Variants in CD58 observed in about 807,000 individuals in gnomAD.
CD58 encodes the protein CD58 molecule.
In CD58, 14 loss-of-function variants were observed where a neutral mutation model predicts 27.6. That is an observed-to-expected ratio of 0.51 (90% CI 0.34 to 0.79). The LOEUF (loss-of-function observed/expected upper bound fraction) is 0.79. Among genes scored for constraint, CD58 ranks in the 30% least tolerant of loss-of-function variants. CD58 has a pLI of 0.02. For synonymous variants in CD58, 117 were observed against 103.8 expected (o/e 1.13, Z -0.77); for missense variants, 268 against 301.7 (o/e 0.89, Z 0.83).
chr1:116,544,277 C>A (rs372354308), intron 2 of CD58, 34 bp downstream of exon 2: 41 of 1,481,882 alleles, frequency 2.8e-5, no homozygotes, highest in Non-Finnish European at 3.8e-5. Context: ...TGGAAATTTG[C>A]CATTTTAAAC....
intron 3 of CD58, among the ~76,000 whole-genome samples, chr1:116,525,559 G>A (rs1401058517): frequency 6.6e-6 from 1 of 152,298 alleles, no homozygotes; most frequent in Admixed American, 6.5e-5. Context: ...CAAGAAGCAT[G>A]ACAGTTGTGT....
chr1:116,556,156 G>T (rs1474533258), intron 1 of CD58, among the ~76,000 whole-genome samples: 1 of 151,206 alleles, frequency 6.6e-6, no homozygotes, highest in East Asian at 1.9e-4. Flanking sequence ...ATGGGAGGCT[G>T]AGGCAGGAGA....
Position 116,534,236 on chromosome 1 carries a change from C to T in CD58, c.628+1729G>A, listed in dbSNP as rs1657714354. 4 of 515,146 alleles carry T rather than the reference C, an allele frequency of 7.8e-6. No individual in the cohort carries two copies. The highest frequency in any genetic ancestry group is 3.1e-5 in the Admixed American group (1 of 31,924). The allele number at this position is 515,146 out of a possible 1,614,324, so 31.9% of individuals were successfully genotyped here. A position where few individuals can be genotyped will look rare whatever the true frequency, so the allele number is the denominator to read the frequency against. The stretch of plus-strand genomic sequence containing the variant: ...AACAGCTGAGATGCAATGCCAAGGA[C>T]TTTCTTCCCCATCAGACATGCCCTC... On this transcript the variant is annotated intron_variant, in intron 3 of 5. Transcript: ENST00000369489. This position sits in a 1 kb window ranked among gnomAD's most constrained non-coding sequence, Gnocchi z 5.3.
rs1657139107 is a variant in CD58, at chr1:116,517,963, A to T, written c.743+1268T>A. Among the ~76,000 whole-genome samples the T allele has an allele frequency of 6.6e-6, 1 of 152,236 alleles. No individual in the cohort carries two copies. Among genetic ancestry groups the T allele is most frequent in the Non-Finnish European group, 1.5e-5 (1 of 68,040 alleles). On this transcript the variant is annotated intron_variant, in intron 5 of 5. Transcript: ENST00000369489. The surrounding 1 kb of genome is among the most constrained non-coding windows in gnomAD (Gnocchi z 6.5). ...CTGTCGCTTTTATTTTTCTTGAAAA[A>T]TAATAGTAACAATAGTCATAATGGC...
Position 116,522,138 on chromosome 1 carries a change from C to T in CD58, c.629-155G>A, listed in dbSNP as rs1315228484. On this transcript the variant is annotated intron_variant, in intron 3 of 5. Transcript: ENST00000369489. This position sits in a 1 kb window ranked among gnomAD's most constrained non-coding sequence, Gnocchi z 4.6. Reference sequence around the variant, plus strand: ...AAGCAGTCATTCTCAGACATAAGAACAGTGATGAAAACTTTGAGTCACCCA... The same window carrying T: ...AAGCAGTCATTCTCAGACATAAGAATAGTGATGAAAACTTTGAGTCACCCA... Among the ~76,000 whole-genome samples, 1 of 152,178 alleles carries T rather than the reference C, an allele frequency of 6.6e-6. No individual in the cohort carries two copies. Among genetic ancestry groups the T allele is most frequent in the African/African-American group, 2.4e-5 (1 of 41,430 alleles).
rs1657211490 is a variant in CD58 at position 116,519,762 on chromosome 1, T to C, written c.707-495A>G. On this transcript the variant is annotated intron_variant, in intron 4 of 5. Coordinates refer to ENST00000369489, the MANE Select transcript of CD58 (RefSeq NM_001779.3). The surrounding 1 kb of genome is among the most constrained non-coding windows in gnomAD (Gnocchi z 4.7). Reference sequence around the variant, plus strand: ...ATTTTATATTCTTTCACACACGGTCTTAGAAACATATTATTTTACACTCAC... The same window carrying C: ...ATTTTATATTCTTTCACACACGGTCCTAGAAACATATTATTTTACACTCAC... Among the ~76,000 whole-genome samples, 2 of 152,364 alleles carry C rather than the reference T, an allele frequency of 1.3e-5. No homozygotes were observed. The highest frequency in any genetic ancestry group is 4.1e-4 in the South Asian group (2 of 4,834).
Position 116,534,133 on chromosome 1 carries a change from T to C in CD58, c.628+1832A>G. 1.4e-6 allele frequency: 1 copy of C among 705,386 alleles called. No individual in the cohort carries two copies. Among genetic ancestry groups the C allele is most frequent in the Non-Finnish European group, 2.6e-6 (1 of 388,448 alleles). The allele number at this position is 705,386 out of a possible 1,614,324, so 43.7% of individuals were successfully genotyped here. ...CCCTTGTCTGGTAAACCAAGTCCCG[T>C]GAGTAACTAGGCTAAGGCACTCAGG... On this transcript the variant is annotated intron_variant, in intron 3 of 5. Transcript: ENST00000369489. The surrounding 1 kb of genome is among the most constrained non-coding windows in gnomAD (Gnocchi z 5.3).
At position 116,559,839 on chromosome 1, in the gene CD58, G is replaced by A. The variant is rs181002144; in HGVS notation, c.70+11064C>T. Among the ~76,000 whole-genome samples the A allele has an allele frequency of 1.8e-4, 28 of 152,184 alleles. No individual in the cohort carries two copies. Among genetic ancestry groups the A allele is most frequent in the Admixed American group, 8.5e-4 (13 of 15,298 alleles). On this transcript the variant is annotated intron_variant, in intron 1 of 5. Transcript: ENST00000369489. This position sits in a 1 kb window ranked among gnomAD's most constrained non-coding sequence, Gnocchi z 4.4. ...ACTTAACCTATTTCTTCTTTCTCAAGATGTTTCCCTTTAGACCTATGCAAT... is the reference window on the plus strand; with the variant it reads ...ACTTAACCTATTTCTTCTTTCTCAAAATGTTTCCCTTTAGACCTATGCAAT...
rs1388720924 is a variant in CD58, at chr1:116,561,298, G to A, written c.70+9605C>T. On this transcript the variant is annotated intron_variant, in intron 1 of 5. Transcript: ENST00000369489. ...CAATGAGTGAAACTTGATTAGATCC[G>A]GGTTTTTTAACAAAAGACACTCTTG... 1.3e-4 allele frequency among the ~76,000 whole-genome samples: 20 copies of A among 152,074 alleles called. 1 individual carries two copies. The highest frequency in any genetic ancestry group is 1.1e-3 in the Admixed American group (17 of 15,276).
At position 116,536,004 on chromosome 1, in the gene CD58, T is replaced by A. The variant is rs1267715365; in HGVS notation, c.589A>T (p.Thr197Ser). 1.9e-6 allele frequency: 3 copies of A among 1,612,296 alleles called. No homozygotes were observed. Among genetic ancestry groups the A allele is most frequent in the Admixed American group, 3.3e-5 (2 of 60,004 alleles). The change falls in exon 3 of 6, where the codon ACA becomes TCA. Residue 197 changes from threonine to serine, a missense_variant. By Grantham distance (58) the Thr-to-Ser change is moderately conservative (BLOSUM62 1). Coordinates refer to ENST00000369489, the MANE Select transcript of CD58 (RefSeq NM_001779.3). This position sits in a 1 kb window ranked among gnomAD's most constrained non-coding sequence, Gnocchi z 5.4. ...CAGGTTGTCAAAATGATTGATGATG[T>A]TGTATTAAATAATGGATTGCTAAGA... ...CTLSNPLFNTTSSIILTTCIP... is the reference protein window; with the variant it reads ...CTLSNPLFNTSSSIILTTCIP...
Position 116,534,168 on chromosome 1 carries a change from G to A in CD58, c.628+1797C>T, listed in dbSNP as rs1207632414. 6.3e-6 allele frequency: 4 copies of A among 635,846 alleles called. No homozygotes were observed. Among genetic ancestry groups the A allele is most frequent in the Admixed American group, 4.3e-5 (2 of 46,878 alleles). 39.4% of individuals were successfully genotyped at this position (635,846 alleles called of 1,614,324 possible). On this transcript the variant is annotated intron_variant, in intron 3 of 5. Transcript: ENST00000369489. The surrounding 1 kb of genome is among the most constrained non-coding windows in gnomAD (Gnocchi z 5.3). ...GGCTAAGGCACTCAGGCCAGTCCTC[G>A]GGGAGCACACGCCGCCCATCTGGCT... is the stretch of plus-strand genomic sequence containing the variant.
At chr1:116,518,606 C>CT in intron 5 of CD58, 1 of 921,068 alleles carries the variant, frequency 1.1e-6, no homozygotes, top group Admixed American at 6.2e-5. Flanking sequence ...CACCCTGGGC[C>CT]TTAACTCTTC....
At chr1:116,542,150 T>C (rs1229285613) in intron 2 of CD58, among the ~76,000 whole-genome samples, 1 of 152,214 alleles carries the variant, frequency 6.6e-6, no homozygotes, top group Non-Finnish European at 1.5e-5. Context: ...TGGTGGTGCA[T>C]GCCTGTAATC....
chr1:116,549,583 TA>T (rs201928005), intron 1 of CD58, among the ~76,000 whole-genome samples: 1 of 152,146 alleles, frequency 6.6e-6, no homozygotes, highest in Non-Finnish European at 1.5e-5. Flanking sequence ...ACTCTTTCTT[TA>T]AAAAATGTAT....
chr1:116,533,113 G>T, intron 3 of CD58: 1 of 747,606 alleles, frequency 1.3e-6, no homozygotes. Context: ...CCTGTGGTCC[G>T]CTCACGGAAA....
rs922579813 is a variant in CD58, at chr1:116,535,702, G to A, written c.628+263C>T. On this transcript the variant is annotated intron_variant, in intron 3 of 5. Coordinates refer to ENST00000369489, the MANE Select transcript of CD58 (RefSeq NM_001779.3). Reference sequence around the variant, plus strand: ...TAAAAATACAAAAAATTAGCCGGGCGTGGTGGCGGGCGCCTGTAGTCCCAG... The same window carrying A: ...TAAAAATACAAAAAATTAGCCGGGCATGGTGGCGGGCGCCTGTAGTCCCAG... Among the ~76,000 whole-genome samples, 13 of 130,566 alleles carry A rather than the reference G, an allele frequency of 1.0e-4. 3 individuals carry two copies. Among genetic ancestry groups the A allele is most frequent in the African/African-American group, 3.8e-4 (12 of 31,738 alleles). 85.7% of individuals were successfully genotyped at this position (130,566 alleles called of 152,430 possible).
intron 1 of CD58, among the ~76,000 whole-genome samples, chr1:116,555,962 A>G (rs1658545999): frequency 6.6e-6 from 1 of 152,162 alleles, no homozygotes; most frequent in Non-Finnish European, 1.5e-5. Flanking sequence ...GGCTCTATAA[A>G]TAGGTACTCA....
At chr1:116,548,356 G>A (rs1329256492) in intron 1 of CD58, among the ~76,000 whole-genome samples, 1 of 14,628 alleles carries the variant, frequency 6.8e-5, no homozygotes, top group African/African-American at 3.1e-4. Flanking sequence ...TGGGTTCTTG[G>A]TCATGACCTT....
At position 116,521,268 on chromosome 1, in the gene CD58, G is replaced by C. The variant is rs1657253626; in HGVS notation, c.706+638C>G. Among the ~76,000 whole-genome samples, 1 of 152,086 alleles carries C rather than the reference G, an allele frequency of 6.6e-6. No homozygotes were observed. The highest frequency in any genetic ancestry group is 2.1e-4 in the South Asian group (1 of 4,814). On this transcript the variant is annotated intron_variant, in intron 4 of 5. Transcript: ENST00000369489. The surrounding 1 kb of genome is among the most constrained non-coding windows in gnomAD (Gnocchi z 5.6). ...GCATATTTCCTTTTGGTGAAGGCTG[G>C]TATGGAAACTGCTGTGGCATCAAGA...
Sources: allele counts gnomAD v4.1 joint callset (sites outside exome capture counted in the v4.1 genomes callset), GRCh38; gene constraint gnomAD v4.1.1; non-coding constraint Gnocchi (gnomAD v3.1); transcripts MANE v1.5; gene names NCBI Gene and HGNC (gene_info 2026-07-23, HGNC 2026-07-21).